Variants in MAP3K15 observed in about 807,000 individuals in gnomAD.
MAP3K15 encodes the protein MAPK/ERK kinase kinase 15.
Under a neutral mutation model 99.5 loss-of-function variants are expected in MAP3K15, and 124 were observed. The observed-to-expected ratio is 1.25, with a 90% CI of 1.08 to 1.45. The LOEUF is 1.45. Ranked by LOEUF, MAP3K15 falls within the 40% of genes most tolerant of loss-of-function variation. The pLI is 0.00. For synonymous variants in MAP3K15, 494 were observed against 439.6 expected (o/e 1.12, Z -1.55); for missense variants, 1,242 against 1,079.7 (o/e 1.15, Z -2.11).
chrX:19,464,258 A>G lies in MAP3K15; in HGVS notation c.674T>C (p.Val225Ala), dbSNP rs1602330305. 1 of 1,198,069 alleles carries G rather than the reference A, an allele frequency of 8.3e-7. No homozygotes were observed. The highest frequency in any genetic ancestry group is 1.8e-5 in the African/African-American group (1 of 57,022). ...CTTAAGGAGGCTAATGAACCTGTCC[A>G]CCAAAGGCATGCACAGCGGGCCCAG... ...NILGPLCMPL[V>A]DRFISLLKDI... The change falls in exon 4 of 29, where the codon GTG becomes GCG. Residue 225 changes from valine to alanine, a missense_variant. Transcript: ENST00000338883.
chrX:19,512,563 C>T (rs1276952311), intron 1 of MAP3K15, among the ~76,000 whole-genome samples: 1 of 110,772 alleles, frequency 9.0e-6, no homozygotes, highest in Admixed American at 9.6e-5. Flanking sequence ...CAGCATCGAC[C>T]TCCCGGGCTT....
Position 19,434,762 on chromosome X carries a change from T to A in MAP3K15, c.996-3154A>T, listed in dbSNP as rs1321791413. 6.3e-5 allele frequency among the ~76,000 whole-genome samples: 7 copies of A among 111,889 alleles called. No homozygotes were observed. In the Admixed American group the frequency reaches 6.7e-4, roughly 11 times the overall value. On this transcript the variant is annotated intron_variant, in intron 6 of 28. Coordinates refer to ENST00000338883, the MANE Select transcript of MAP3K15 (RefSeq NM_001001671.4). ...CTCATTCCGGATGCAGAAGAGAAATTCAATCACTTCATACAATAGATGCCA... is the reference window on the plus strand; with the variant it reads ...CTCATTCCGGATGCAGAAGAGAAATACAATCACTTCATACAATAGATGCCA...
At chrX:19,400,540 C>A in intron 14 of MAP3K15, 36 bp downstream of exon 14, 1 of 998,439 alleles carries the variant, frequency 1.0e-6, no homozygotes. Context: ...AACACACAAT[C>A]AATGTTTTCC....
chrX:19,446,488 G>A (rs750170328), intron 6 of MAP3K15, among the ~76,000 whole-genome samples: 3 of 111,932 alleles, frequency 2.7e-5, no homozygotes, highest in Non-Finnish European at 5.6e-5. Context: ...CTAAGGCCAT[G>A]CAGATAGTGG....
At chrX:19,434,335 C>T (rs1334806841) in intron 6 of MAP3K15, among the ~76,000 whole-genome samples, 1 of 108,892 alleles carries the variant, frequency 9.2e-6, no homozygotes. Flanking sequence ...AGCGATTCTT[C>T]CACCTCAGCC....
intron 5 of MAP3K15, 60 bp downstream of exon 5, chrX:19,459,925 C>T (rs16981176): frequency 6.5e-6 from 6 of 927,961 alleles, no homozygotes; most frequent in East Asian, 6.8e-5. Flanking sequence ...CTTCACAAGA[C>T]GTTCCTCAAG....
intron 9 of MAP3K15, among the ~76,000 whole-genome samples, chrX:19,422,799 C>A (rs951192234): frequency 9.0e-6 from 1 of 111,566 alleles, no homozygotes; most frequent in African/African-American, 3.3e-5. Context: ...CAACGATAGA[C>A]TGAATTAAGA....
intron 20 of MAP3K15, 60 bp from the exon 21 acceptor site, chrX:19,373,755 A>G: frequency 9.0e-7 from 1 of 1,113,577 alleles, no homozygotes; most frequent in Non-Finnish European, 1.2e-6. Flanking sequence ...GGTGGAGCTG[A>G]GTCCCTGGCA....
chrX:19,390,515 T>C (rs1475848972), intron 18 of MAP3K15, among the ~76,000 whole-genome samples: 1 of 103,268 alleles, frequency 9.7e-6, no homozygotes, highest in Non-Finnish European at 1.9e-5. Flanking sequence ...ATATTATATA[T>C]AATCATTATG....
intron 1 of MAP3K15, among the ~76,000 whole-genome samples, chrX:19,501,729 T>C (rs2064441704): frequency 8.9e-6 from 1 of 111,948 alleles, no homozygotes; most frequent in African/African-American, 3.2e-5. Flanking sequence ...CTCCCGGCCA[T>C]TGAAGAGTTC....
rs1296783815 is a variant in MAP3K15 at position 19,361,587 on chromosome X, G to C, written c.3686C>G (p.Thr1229Arg). The change falls in exon 27 of 29, where the codon ACA becomes AGA. Residue 1229 changes from threonine (T) to arginine (R), a missense_variant. Thr to Arg is a moderately conservative substitution (Grantham distance 71). Coordinates refer to ENST00000338883, the MANE Select transcript of MAP3K15 (RefSeq NM_001001671.4). Reference sequence around the variant, plus strand: ...CCCGTAGGGGCCTGCTGGGTTCTCTGTAATACCTGTAACGATTGGCAATTT... The same window carrying C: ...CCCGTAGGGGCCTGCTGGGTTCTCTCTAATACCTGTAACGATTGGCAATTT... Reference protein sequence around the residue: ...LQLKLKSNCITENPAGPYGQR... With the variant: ...LQLKLKSNCIRENPAGPYGQR... 9 of 1,188,487 alleles carry C rather than the reference G, an allele frequency of 7.6e-6. No homozygotes were observed. In the Admixed American group the frequency reaches 1.1e-4, roughly 15 times the overall value.
chrX:19,389,061 A>G (rs1008238435), intron 18 of MAP3K15, among the ~76,000 whole-genome samples: 1 of 110,839 alleles, frequency 9.0e-6, no homozygotes, highest in Non-Finnish European at 1.9e-5. Flanking sequence ...TATTGTATTC[A>G]TTCCAAGCAT....
intron 18 of MAP3K15, among the ~76,000 whole-genome samples, chrX:19,386,239 T>A (rs1465156957): frequency 9.0e-6 from 1 of 111,279 alleles, no homozygotes; most frequent in Non-Finnish European, 1.9e-5. Flanking sequence ...GTGGATGGCT[T>A]GAGGTCAGGA....
At chrX:19,392,608 C>T in intron 16 of MAP3K15, 135 bp from the exon 17 acceptor site, 2 of 592,265 alleles carry the variant, frequency 3.4e-6, no homozygotes, top group Non-Finnish European at 5.1e-6. Context: ...CTAAATGCAA[C>T]ATGTTTCCTC....
chrX:19,509,657 G>A (rs193005183), intron 1 of MAP3K15, among the ~76,000 whole-genome samples: 190 of 111,383 alleles, frequency 1.7e-3, no homozygotes, highest in African/African-American at 5.9e-3. Context: ...ATCTAAAATC[G>A]ACACCCTAAC....
chrX:19,382,206 T>G (rs1348401131), intron 18 of MAP3K15, among the ~76,000 whole-genome samples: 1 of 94,122 alleles, frequency 1.1e-5, no homozygotes, highest in Admixed American at 1.3e-4. Flanking sequence ...ATCGCATTAC[T>G]GCACTCCAGC....
chrX:19,389,109 C>A (rs1390320416), intron 18 of MAP3K15, among the ~76,000 whole-genome samples: 7 of 110,544 alleles, frequency 6.3e-5, no homozygotes, highest in Non-Finnish European at 1.3e-4. Flanking sequence ...ACAAACACAA[C>A]AAAGCAGATG....
intron 9 of MAP3K15, among the ~76,000 whole-genome samples, chrX:19,421,871 T>C (rs13304976): frequency 9.2e-6 from 1 of 109,050 alleles, no homozygotes. Context: ...TCAGAAATAA[T>C]GCCGCATAGC....
chrX:19,481,582 G>A (rs936839624), intron 3 of MAP3K15, among the ~76,000 whole-genome samples: 21 of 111,793 alleles, frequency 1.9e-4, no homozygotes, highest in African/African-American at 6.5e-4. Context: ...ACACAGCTTC[G>A]TAATAAGAAC....
Sources: gnomAD v4.1 joint callset for allele counts (sites outside exome capture counted in the v4.1 genomes callset) on GRCh38, gnomAD v4.1.1 for gene constraint, MANE v1.5 for transcripts, NCBI Gene and HGNC (gene_info 2026-07-23, HGNC 2026-07-21) for gene names.